The following ALAS1 variants were observed in gnomAD, a reference collection of about 807,000 sequenced individuals.
ALAS1 encodes the protein 5-aminolevulinate synthase, non-specific, mitochondrial.
Under a neutral mutation model 59.6 loss-of-function variants are expected in ALAS1, and 29 were observed. The observed-to-expected ratio is 0.49, with a 90% CI of 0.36 to 0.66. The LOEUF (loss-of-function observed/expected upper bound fraction) is 0.66, where lower values mean the gene tolerates loss of function less well. Among genes scored for constraint, ALAS1 ranks in the 30% least tolerant of loss-of-function variants. The probability of loss-of-function intolerance (pLI) is 0.00; values close to 1 mark genes in which losing one functional copy is unlikely to be tolerated. For missense variants in ALAS1, 690 were observed against 807.5 expected (o/e 0.85, Z 1.76); for synonymous variants, 299 against 296.6 (o/e 1.01, Z -0.08).
chr3:52,205,939 C>T lies in ALAS1; in HGVS notation c.901C>T (p.His301Tyr). 1.9e-6 allele frequency: 3 copies of T among 1,614,178 alleles called. No homozygotes were observed. Among genetic ancestry groups the T allele is most frequent in the Non-Finnish European group, 2.5e-6 (3 of 1,180,028 alleles). Residue 301 changes from histidine to tyrosine, a missense_variant, in exon 7 of 12, where the codon CAT becomes TAT. His to Tyr is a moderately conservative substitution (Grantham distance 83, BLOSUM62 2). Coordinates refer to ENST00000484952, the MANE Select transcript of ALAS1 (RefSeq NM_000688.6). ...CTTAGAGCGGGAGCTGGCAGACCTC[C>T]ATGGGAAAGATGCCGCACTCTTGTT... ...VDLERELADL[H>Y]GKDAALLFSS...
chr3:52,206,458 T>C, intron 7 of ALAS1, 114 bp from the exon 8 acceptor site: 1 of 1,245,642 alleles, frequency 8.0e-7, no homozygotes, highest in South Asian at 1.4e-5. Flanking sequence ...ACAGTGTCTT[T>C]TTCCTACTAG....
intron 11 of ALAS1, chr3:52,212,650 G>C: frequency 2.0e-6 from 1 of 511,880 alleles, no homozygotes; most frequent in Non-Finnish European, 3.5e-6. Flanking sequence ...TCCTGCCTCA[G>C]CTTCCTGAGT....
At chr3:52,209,067 C>G (rs1699351491) in intron 9 of ALAS1, among the ~76,000 whole-genome samples, 1 of 152,134 alleles carries the variant, frequency 6.6e-6, no homozygotes, top group South Asian at 2.1e-4. Flanking sequence ...GAAGGGCAGG[C>G]TTTTTAAAAA....
Position 52,203,857 on chromosome 3 carries a change from T to C in ALAS1, c.428-6T>C. 6.3e-7 allele frequency: 1 copy of C among 1,576,378 alleles called. No homozygotes were observed. The highest frequency in any genetic ancestry group is 8.6e-7 in the Non-Finnish European group (1 of 1,161,850). On this transcript the variant is annotated splice_polypyrimidine_tract_variant and splice_region_variant and intron_variant, in intron 4 of 11. Coordinates refer to ENST00000484952, the MANE Select transcript of ALAS1 (RefSeq NM_000688.6). ...TCCCATTTGTTTCTTGTTACTTTTGTTCCAGAGGTTGCTGAAACCTCAGCA... is the reference window on the plus strand; with the variant it reads ...TCCCATTTGTTTCTTGTTACTTTTGCTCCAGAGGTTGCTGAAACCTCAGCA...
chr3:52,208,298 C>A, intron 9 of ALAS1, 51 bp downstream of exon 9: 1 of 1,595,750 alleles, frequency 6.3e-7, no homozygotes, highest in Non-Finnish European at 8.6e-7. Flanking sequence ...CCTAACAAGG[C>A]CAAGGACTAA....
intron 11 of ALAS1, among the ~76,000 whole-genome samples, chr3:52,213,797 T>A (rs1699460592): frequency 6.6e-6 from 1 of 152,280 alleles, no homozygotes; most frequent in Non-Finnish European, 1.5e-5. Flanking sequence ...GCTGTAGCAT[T>A]CATCAGCACT....
At chr3:52,209,380 T>A (rs1699359050) in intron 9 of ALAS1, among the ~76,000 whole-genome samples, 1 of 152,012 alleles carries the variant, frequency 6.6e-6, no homozygotes, top group African/African-American at 2.4e-5. Context: ...GCTAATTTTT[T>A]GTATTTGTAG....
chr3:52,205,749 A>G (rs1374604759), intron 6 of ALAS1, 90 bp from the exon 7 acceptor site: 1 of 1,251,396 alleles, frequency 8.0e-7, no homozygotes, highest in Non-Finnish European at 1.1e-6. Flanking sequence ...AACATGTTTC[A>G]GTCTCCTGGA....
chr3:52,211,879 T>G (rs1699417621), intron 10 of ALAS1, among the ~76,000 whole-genome samples: 1 of 152,172 alleles, frequency 6.6e-6, no homozygotes, highest in South Asian at 2.1e-4. Context: ...AATTTCAAAA[T>G]AGGTTTTGCC....
chr3:52,200,741 A>T (rs536095758), intron 3 of ALAS1, among the ~76,000 whole-genome samples: 3 of 152,384 alleles, frequency 2.0e-5, no homozygotes, highest in African/African-American at 7.2e-5. Context: ...GTTTTTAACA[A>T]AGAGACTAGA....
intron 11 of ALAS1, among the ~76,000 whole-genome samples, 157 bp from the exon 12 acceptor site, chr3:52,213,863 T>G (rs1320797224): frequency 6.6e-6 from 1 of 152,262 alleles, no homozygotes; most frequent in Non-Finnish European, 1.5e-5. Flanking sequence ...CACATTTTGT[T>G]TATCCGTCTA....
rs115904742 is a variant in ALAS1, at chr3:52,203,807, T to C, written c.428-56T>C. ...TTTTTGACAATATGTTTGGAAGATA[T>C]TGTGAACTCAGAATAGAAAGTTGGT... On this transcript the variant is annotated intron_variant, in intron 4 of 11. Coordinates refer to ENST00000484952, the MANE Select transcript of ALAS1 (RefSeq NM_000688.6). 4.6e-3 allele frequency: 6,964 copies of C among 1,524,622 alleles called. 42 individuals carry two copies. The highest frequency in any genetic ancestry group is 0.016 in the South Asian group (1,303 of 79,256). 94.4% of individuals were successfully genotyped at this position (1,524,622 alleles called of 1,614,324 possible).
chr3:52,211,766 T>A (rs1699415475), intron 10 of ALAS1, among the ~76,000 whole-genome samples: 1 of 152,142 alleles, frequency 6.6e-6, no homozygotes, highest in Admixed American at 6.5e-5. Context: ...AGAAGTTCCC[T>A]CTCCGGAGCA....
chr3:52,211,475 T>C lies in ALAS1; in HGVS notation c.1523T>C (p.Val508Ala). The change falls in exon 10 of 12, where the codon GTC (valine) becomes GCC (alanine). Residue 508 changes from valine (V) to alanine (A), a missense_variant. By Grantham distance (64) the Val-to-Ala change is moderately conservative. Transcript: ENST00000484952. The part of the protein sequence containing the change: ...RVLRRQHQRN[V>A]KLMRQMLMDA... ...CTTCGCCGCCAGCACCAGCGCAACG[T>C]CAAACTCATGAGACAGATGCTAATG... The C allele has an allele frequency of 6.2e-7, 1 of 1,614,188 alleles. No individual in the cohort carries two copies. Among genetic ancestry groups the C allele is most frequent in the Non-Finnish European group, 8.5e-7 (1 of 1,180,032 alleles).
intron 9 of ALAS1, among the ~76,000 whole-genome samples, chr3:52,209,251 A>G (rs549741787): frequency 6.6e-6 from 1 of 152,086 alleles, no homozygotes; most frequent in Admixed American, 6.6e-5. Context: ...TCTGTTGCCC[A>G]GGCTGGAGTG....
chr3:52,204,591 C>T (rs934215587), intron 5 of ALAS1, 102 bp from the exon 6 acceptor site: 3 of 922,326 alleles, frequency 3.3e-6, no homozygotes, highest in African/African-American at 3.3e-5. Context: ...ATAACCTGCC[C>T]AGGATCTCCC....
At chr3:52,203,264 G>A (rs532328838) in intron 4 of ALAS1, among the ~76,000 whole-genome samples, 2 of 152,328 alleles carry the variant, frequency 1.3e-5, no homozygotes, top group South Asian at 4.1e-4. Context: ...ATTAGGACCA[G>A]GCCCAGTGGC....
intron 8 of ALAS1, among the ~76,000 whole-genome samples, chr3:52,207,727 G>A (rs1020921259): frequency 2.0e-5 from 3 of 152,084 alleles, no homozygotes; most frequent in African/African-American, 4.8e-5. Flanking sequence ...AAGTGAGAGC[G>A]ATATTTGGTT....
At chr3:52,209,986 G>A (rs1000023450) in intron 9 of ALAS1, among the ~76,000 whole-genome samples, 2 of 152,128 alleles carry the variant, frequency 1.3e-5, no homozygotes, top group African/African-American at 4.8e-5. Context: ...GGCCTCTTCT[G>A]GAGTTTTTAA....
Sources: gnomAD v4.1 joint callset for allele counts (sites outside exome capture counted in the v4.1 genomes callset) on GRCh38, gnomAD v4.1.1 for gene constraint, MANE v1.5 for transcripts, NCBI Gene and HGNC (gene_info 2026-07-23, HGNC 2026-07-21) for gene names.